SUPT3H: variants seen among roughly 807,000 people sequenced by gnomAD.
SUPT3H encodes transcription initiation protein SPT3 homolog.
SUPT3H carries 44 observed loss-of-function variants against 44.3 expected under a neutral mutation model. The ratio of observed to expected loss-of-function variants is 0.99; its 90% CI spans 0.78 to 1.28. The LOEUF (loss-of-function observed/expected upper bound fraction) is 1.28, where lower values mean the gene tolerates loss of function less well. Ranked by LOEUF, SUPT3H falls within the 50% of genes most tolerant of loss-of-function variation. The probability of loss-of-function intolerance (pLI) is 0.00; values close to 1 mark genes in which losing one functional copy is unlikely to be tolerated. For synonymous variants in SUPT3H, 124 were observed against 125.6 expected (o/e 0.99, Z 0.09); for missense variants, 380 against 387.1 (o/e 0.98, Z 0.15).
At chr6:45,228,757 T>A (rs1287226057) in intron 2 of SUPT3H, among the ~76,000 whole-genome samples, 1 of 152,024 alleles carries the variant, frequency 6.6e-6, no homozygotes, top group Non-Finnish European at 1.5e-5. Context: ...CAGGTGATTC[T>A]CCTCCCAAAG....
At chr6:45,219,943 G>A (rs1042957118) in intron 2 of SUPT3H, among the ~76,000 whole-genome samples, 5 of 147,304 alleles carry the variant, frequency 3.4e-5, no homozygotes, top group South Asian at 4.3e-4. Flanking sequence ...GGAGGCTGAC[G>A]CAGGAGAATC....
chr6:44,831,177 A>G (rs1768651287), intron 10 of SUPT3H, among the ~76,000 whole-genome samples: 1 of 152,104 alleles, frequency 6.6e-6, no homozygotes, highest in African/African-American at 2.4e-5. Flanking sequence ...CCCTGGCTGA[A>G]ATTTCTTTGC....
intron 10 of SUPT3H, among the ~76,000 whole-genome samples, chr6:44,909,440 C>G (rs1377534468): frequency 6.6e-6 from 1 of 152,008 alleles, no homozygotes; most frequent in Admixed American, 6.6e-5. Context: ...AGTCCTTTCC[C>G]CAACCTCTGA....
intron 10 of SUPT3H, among the ~76,000 whole-genome samples, chr6:44,917,321 A>G (rs1767969503): frequency 6.6e-6 from 1 of 152,248 alleles, no homozygotes; most frequent in Non-Finnish European, 1.5e-5. Context: ...TAATCATTTT[A>G]AATGAGACTG....
At chr6:45,285,416 T>A (rs1162152766) in intron 2 of SUPT3H, among the ~76,000 whole-genome samples, 1 of 152,172 alleles carries the variant, frequency 6.6e-6, no homozygotes, top group Non-Finnish European at 1.5e-5. Context: ...AAAATCAATG[T>A]GCAAAAATCA....
intron 2 of SUPT3H, among the ~76,000 whole-genome samples, chr6:45,190,326 T>C (rs1235536815): frequency 6.6e-6 from 1 of 152,144 alleles, no homozygotes; most frequent in Non-Finnish European, 1.5e-5. Context: ...CAAACTAAAA[T>C]GGATTAGGAA....
At chr6:45,087,042 CA>C (rs1400424910) in intron 3 of SUPT3H, among the ~76,000 whole-genome samples, 12 of 151,868 alleles carry the variant, frequency 7.9e-5, no homozygotes, top group Admixed American at 7.9e-4. Flanking sequence ...CCAAAACCAT[CA>C]AGAGTTTAAA....
intron 2 of SUPT3H, among the ~76,000 whole-genome samples, chr6:45,314,913 C>G (rs1784470812): frequency 6.6e-6 from 1 of 152,122 alleles, no homozygotes. Flanking sequence ...GTCACCAAAA[C>G]AGCATGGTAC....
Position 45,054,189 on chromosome 6 carries a change from C to T in SUPT3H, c.187-33557G>A, listed in dbSNP as rs114200969. Among the ~76,000 whole-genome samples, 1,483 of 151,878 alleles carry T rather than the reference C, an allele frequency of 9.8e-3. 12 individuals carry two copies. Among genetic ancestry groups the T allele is most frequent in the Non-Finnish European group, 0.015 (1,031 of 67,928 alleles). On this transcript the variant is annotated intron_variant, in intron 3 of 10. Coordinates refer to ENST00000371459, the MANE Select transcript of SUPT3H (RefSeq NM_003599.4). ...CCTTGCAATGACTGAGAAATCTTCT[C>T]CCCCCTGTAAGCTGTAGTAGGAAGG...
At chr6:45,050,865 A>G (rs1210305279) in intron 3 of SUPT3H, among the ~76,000 whole-genome samples, 2 of 150,114 alleles carry the variant, frequency 1.3e-5, no homozygotes, top group Non-Finnish European at 3.0e-5. Flanking sequence ...TTGTGTGTAT[A>G]AGAGGGTATG....
chr6:45,322,867 CCT>C, intron 2 of SUPT3H: 1 of 1,608,622 alleles, frequency 6.2e-7, no homozygotes, highest in South Asian at 1.1e-5. Flanking sequence ...CACTGGAGAG[CCT>C]CTGTCTCACC....
At chr6:45,240,377 A>C (rs1293509383) in intron 2 of SUPT3H, among the ~76,000 whole-genome samples, 1 of 152,206 alleles carries the variant, frequency 6.6e-6, no homozygotes, top group Non-Finnish European at 1.5e-5. Context: ...GAGAACAATT[A>C]TTCTTATTGG....
chr6:44,822,777 G>A (rs1767428091), downstream of SUPT3H, among the ~76,000 whole-genome samples: 1 of 152,136 alleles, frequency 6.6e-6, no homozygotes, highest in South Asian at 2.1e-4. Context: ...GAATTGATGA[G>A]ATTAAACAAA....
At chr6:44,967,299 T>C (rs1199324067) in intron 6 of SUPT3H, among the ~76,000 whole-genome samples, 1 of 152,232 alleles carries the variant, frequency 6.6e-6, no homozygotes, top group Non-Finnish European at 1.5e-5. Flanking sequence ...TTCTTGTTAT[T>C]GTAAAACATA....
intron 9 of SUPT3H, among the ~76,000 whole-genome samples, chr6:44,945,414 A>T (rs763880509): frequency 3.9e-5 from 6 of 152,214 alleles, no homozygotes; most frequent in Non-Finnish European, 7.3e-5. Context: ...TTGACAGCCA[A>T]GACAGGATGA....
At chr6:45,304,487 G>A (rs574043449) in intron 2 of SUPT3H, among the ~76,000 whole-genome samples, 6 of 152,202 alleles carry the variant, frequency 3.9e-5, no homozygotes, top group Admixed American at 2.0e-4. Context: ...ATACCACTTA[G>A]TATTCTACTG....
chr6:44,869,862 T>C (rs1404993536), intron 10 of SUPT3H, among the ~76,000 whole-genome samples: 2 of 152,250 alleles, frequency 1.3e-5, no homozygotes, highest in East Asian at 1.9e-4. Flanking sequence ...GTCAGGACAA[T>C]GTGAGGCTCT....
intron 2 of SUPT3H, among the ~76,000 whole-genome samples, chr6:45,128,579 C>T (rs927986025): frequency 1.0e-4 from 12 of 120,256 alleles, no homozygotes; most frequent in Admixed American, 2.7e-4. Flanking sequence ...CACACACACA[C>T]ACACATACAC....
chr6:45,358,401 T>C (rs560051371), intron 2 of SUPT3H, among the ~76,000 whole-genome samples: 1 of 152,326 alleles, frequency 6.6e-6, no homozygotes, highest in South Asian at 2.1e-4. Flanking sequence ...CTAAAATTTC[T>C]ATCACTGTGG....
Sources: allele counts gnomAD v4.1 joint callset (sites outside exome capture counted in the v4.1 genomes callset), GRCh38; gene constraint gnomAD v4.1.1; transcripts MANE v1.5; gene names NCBI Gene and HGNC (gene_info 2026-07-23, HGNC 2026-07-21).